IMPG2: variants seen among roughly 807,000 people sequenced by gnomAD.
The protein encoded by IMPG2 is interphotoreceptor matrix proteoglycan 2.
Under a neutral mutation model 129.2 loss-of-function variants are expected in IMPG2, and 91 were observed. The ratio of observed to expected loss-of-function variants is 0.70; its 90% CI spans 0.59 to 0.84. The LOEUF is 0.84. IMPG2 is among the 40% of genes least tolerant of loss of function. The probability of loss-of-function intolerance (pLI) is 0.00; values close to 1 mark genes in which losing one functional copy is unlikely to be tolerated. For missense variants in IMPG2, 1,430 were observed against 1,461.7 expected (o/e 0.98, Z 0.35); for synonymous variants, 510 against 517.7 (o/e 0.99, Z 0.20).
intron 16 of IMPG2, among the ~76,000 whole-genome samples, chr3:101,229,951 C>T (rs868019784): frequency 3.9e-5 from 6 of 152,156 alleles, no homozygotes; most frequent in South Asian, 2.1e-4. Context: ...TGTGTAGCCA[C>T]GCAGCAAATC....
At chr3:101,238,437 A>T (rs1015138984) in intron 14 of IMPG2, among the ~76,000 whole-genome samples, 3 of 152,190 alleles carry the variant, frequency 2.0e-5, no homozygotes, top group African/African-American at 7.2e-5. Context: ...CAAGATTGAA[A>T]TGAAGGAAAA....
chr3:101,260,624 C>T (rs1706658885), intron 9 of IMPG2, among the ~76,000 whole-genome samples: 1 of 152,140 alleles, frequency 6.6e-6, no homozygotes, highest in African/African-American at 2.4e-5. Flanking sequence ...ACATTTCCTT[C>T]TCTCTCCAAT....
chr3:101,254,874 G>A (rs1576752626), intron 10 of IMPG2, among the ~76,000 whole-genome samples: 1 of 151,976 alleles, frequency 6.6e-6, no homozygotes, highest in East Asian at 1.9e-4. Context: ...AGTCCTCAGA[G>A]ATCTAGTTGT....
At chr3:101,286,237 A>G (rs945577727) in intron 4 of IMPG2, among the ~76,000 whole-genome samples, 1 of 152,164 alleles carries the variant, frequency 6.6e-6, no homozygotes, top group Non-Finnish European at 1.5e-5. Context: ...TTTTAATTTT[A>G]TTAAAATGAC....
chr3:101,278,632 TGGGA>T (rs1706862299), intron 4 of IMPG2, among the ~76,000 whole-genome samples: 1 of 152,006 alleles, frequency 6.6e-6, no homozygotes, highest in African/African-American at 2.4e-5. Flanking sequence ...GGAGCTGGTA[TGGGA>T]GGGTAAATTA....
intron 9 of IMPG2, among the ~76,000 whole-genome samples, chr3:101,265,401 C>T (rs1475866871): frequency 1.3e-5 from 2 of 152,078 alleles, no homozygotes; most frequent in African/African-American, 2.4e-5. Context: ...TTCATATCTA[C>T]AACCAATTAA....
At chr3:101,232,252 T>G (rs1706296065) in intron 15 of IMPG2, among the ~76,000 whole-genome samples, 1 of 152,054 alleles carries the variant, frequency 6.6e-6, no homozygotes, top group Admixed American at 6.5e-5. Context: ...TTTATTTTTT[T>G]TTGAGACAGA....
chr3:101,308,370 C>T (rs1707226463), intron 2 of IMPG2, among the ~76,000 whole-genome samples: 1 of 152,252 alleles, frequency 6.6e-6, no homozygotes, highest in South Asian at 2.1e-4. Flanking sequence ...TCTGCCTGGA[C>T]ATCCAGACAT....
chr3:101,230,863 C>G (rs1164489812), intron 16 of IMPG2, 94 bp downstream of exon 16: 1 of 1,103,478 alleles, frequency 9.1e-7, no homozygotes, highest in Non-Finnish European at 1.4e-6. Context: ...TCCACCCAGC[C>G]AGCTCCTTGT....
chr3:101,312,230 A>T (rs927430458), intron 2 of IMPG2, among the ~76,000 whole-genome samples: 7 of 152,122 alleles, frequency 4.6e-5, no homozygotes, highest in Non-Finnish European at 1.0e-4. Context: ...ACCATCAAGA[A>T]AGTGAAAAAC....
chr3:101,281,518 T>C (rs1706892973), intron 4 of IMPG2, among the ~76,000 whole-genome samples: 1 of 152,184 alleles, frequency 6.6e-6, no homozygotes, highest in Non-Finnish European at 1.5e-5. Flanking sequence ...GCAGAGTATT[T>C]GGTGCAAGAC....
chr3:101,291,024 A>G lies in IMPG2; in HGVS notation c.533+455T>C, dbSNP rs1707004219. ...GAAACGACCTTAGCTCTAAGCCCAC[A>G]GTGAACAGAGTCAAGAATCATAATA... On this transcript the variant is annotated intron_variant, in intron 4 of 18. Transcript: ENST00000193391. 2.0e-5 allele frequency among the ~76,000 whole-genome samples: 3 copies of G among 152,206 alleles called. No individual in the cohort carries two copies. In the South Asian group the frequency reaches 6.2e-4, roughly 32 times the overall value.
At chr3:101,290,388 T>C (rs1706995006) in intron 4 of IMPG2, among the ~76,000 whole-genome samples, 1 of 152,098 alleles carries the variant, frequency 6.6e-6, no homozygotes. Context: ...TGTGTGCCTG[T>C]AGTCCCAACT....
chr3:101,252,421 T>C (rs957104412), intron 11 of IMPG2, among the ~76,000 whole-genome samples: 2 of 151,914 alleles, frequency 1.3e-5, no homozygotes, highest in Admixed American at 1.3e-4. Context: ...AAGCAGAGAG[T>C]AGTGGCGCTG....
chr3:101,269,326 T>C (rs1706753546), intron 8 of IMPG2, among the ~76,000 whole-genome samples, 189 bp downstream of exon 8: 1 of 152,252 alleles, frequency 6.6e-6, no homozygotes, highest in African/African-American at 2.4e-5. Context: ...GAGTTATTAT[T>C]TGGTCTTTTT....
intron 3 of IMPG2, among the ~76,000 whole-genome samples, chr3:101,298,896 G>C (rs1238995308): frequency 1.3e-5 from 2 of 152,098 alleles, no homozygotes; most frequent in African/African-American, 4.8e-5. Context: ...ATCTTCTCAT[G>C]CAGTATCTTA....
At chr3:101,237,236 A>G (rs1706356992) in intron 14 of IMPG2, among the ~76,000 whole-genome samples, 1 of 151,656 alleles carries the variant, frequency 6.6e-6, no homozygotes, top group South Asian at 2.1e-4. Context: ...TAGAGATAAA[A>G]CTCCCCTCTC....
rs1232600526 is a variant in IMPG2, at chr3:101,226,244, T to TAC, written c.*724_*725insGT. ...TAAACTTTATATATATATATATATA[T>TAC]ATATATATATATATATATATATATA... On this transcript the variant is annotated 3_prime_UTR_variant, in exon 19 of 19. Transcript: ENST00000193391. 6 of 16,544 alleles carry TAC rather than the reference T, an allele frequency of 3.6e-4. 1 individual carries two copies. The highest frequency in any genetic ancestry group is 1.1e-3 in the African/African-American group (6 of 5,656). The allele number at this position is 16,544 out of a possible 1,614,324, so 1.0% of individuals were successfully genotyped here.
At chr3:101,256,146 AAAGAAAGAAAG>A (rs1465835033) in intron 10 of IMPG2, among the ~76,000 whole-genome samples, 7 of 19,944 alleles carry the variant, frequency 3.5e-4, no homozygotes, top group South Asian at 1.7e-3. Flanking sequence ...GAAAGAAAGA[AAAGAAAGAAAG>A]AAAGAAAGAA....
Sources: gnomAD v4.1 joint callset for allele counts (sites outside exome capture counted in the v4.1 genomes callset) on GRCh38, gnomAD v4.1.1 for gene constraint, MANE v1.5 for transcripts, NCBI Gene and HGNC (gene_info 2026-07-23, HGNC 2026-07-21) for gene names.